Variants in ERC2 observed in about 807,000 individuals in gnomAD.
ERC2 encodes the protein ERC protein 2.
Under a neutral mutation model 114.8 loss-of-function variants are expected in ERC2, and 42 were observed. That is an observed-to-expected ratio of 0.37 (90% CI 0.29 to 0.47). The LOEUF (loss-of-function observed/expected upper bound fraction) is 0.47. Among genes scored for constraint, ERC2 ranks in the 20% least tolerant of loss-of-function variants. ERC2 has a pLI of 0.99. For missense variants in ERC2, 939 were observed against 1,150.7 expected (o/e 0.82, Z 2.66); for synonymous variants, 454 against 425.5 (o/e 1.07, Z -0.82).
At chr3:55,802,892 G>T (rs1575647857) in intron 14 of ERC2, among the ~76,000 whole-genome samples, 1 of 152,182 alleles carries the variant, frequency 6.6e-6, no homozygotes, top group African/African-American at 2.4e-5. Context: ...ATCACAGCCT[G>T]CAAGAGTCCA....
At chr3:55,519,631 T>A (rs907771828) in intron 17 of ERC2, among the ~76,000 whole-genome samples, 4 of 152,168 alleles carry the variant, frequency 2.6e-5, no homozygotes, top group Non-Finnish European at 4.4e-5. Flanking sequence ...CCAAACTTCC[T>A]TATATTGATC....
intron 14 of ERC2, among the ~76,000 whole-genome samples, chr3:55,745,320 C>T (rs1486125430): frequency 1.3e-5 from 2 of 152,156 alleles, no homozygotes; most frequent in Admixed American, 6.5e-5. Context: ...GTTTAAGAAA[C>T]TGAGAAATGG....
chr3:56,434,149 T>G, intron 2 of ERC2: 6 of 560,116 alleles, frequency 1.1e-5, no homozygotes, highest in Non-Finnish European at 1.6e-5. Context: ...TGTGAAAAGG[T>G]TATCGGAAAA....
chr3:55,781,130 T>C (rs1170698868), intron 14 of ERC2, among the ~76,000 whole-genome samples: 3 of 152,202 alleles, frequency 2.0e-5, no homozygotes, highest in Non-Finnish European at 4.4e-5. Flanking sequence ...AGGCTGTCTC[T>C]GCTGCACTGA....
At chr3:55,953,894 C>A (rs1160419173) in intron 12 of ERC2, among the ~76,000 whole-genome samples, 2 of 152,010 alleles carry the variant, frequency 1.3e-5, no homozygotes, top group African/African-American at 4.8e-5. Context: ...AGTACACCCA[C>A]ACTGAATGAA....
chr3:56,018,141 C>T (rs1182385401), intron 8 of ERC2, among the ~76,000 whole-genome samples: 1 of 152,154 alleles, frequency 6.6e-6, no homozygotes, highest in African/African-American at 2.4e-5. Context: ...AACATTACAT[C>T]TACTATTCTA....
chr3:55,645,473 C>A (rs1055775651), intron 17 of ERC2, among the ~76,000 whole-genome samples: 1 of 152,202 alleles, frequency 6.6e-6, no homozygotes, highest in African/African-American at 2.4e-5. Flanking sequence ...TAATTGATAA[C>A]AAGTTATCTT....
chr3:56,234,551 C>T (rs987796716), intron 3 of ERC2, among the ~76,000 whole-genome samples: 1 of 152,180 alleles, frequency 6.6e-6, no homozygotes, highest in African/African-American at 2.4e-5. Flanking sequence ...ATTTCTGGGA[C>T]ATTCAGATGG....
At chr3:56,206,115 GT>G (rs1560371570) in intron 3 of ERC2, among the ~76,000 whole-genome samples, 1 of 151,948 alleles carries the variant, frequency 6.6e-6, no homozygotes, top group Non-Finnish European at 1.5e-5. Context: ...ACTAACTTCT[GT>G]TTTACAAATG....
intron 3 of ERC2, among the ~76,000 whole-genome samples, chr3:56,194,869 C>T (rs2048001928): frequency 6.6e-6 from 1 of 151,622 alleles, no homozygotes; most frequent in Middle Eastern, 3.4e-3. Context: ...CTGCAGTCAA[C>T]GGTGTGGCAC....
rs1042749148 is a variant in ERC2, at chr3:56,036,741, T to C, written c.1642-17710A>G. Among the ~76,000 whole-genome samples, 7 of 152,080 alleles carry C rather than the reference T, an allele frequency of 4.6e-5. 1 individual carries two copies. Among genetic ancestry groups the C allele is most frequent in the Admixed American group, 2.6e-4 (4 of 15,270 alleles). On this transcript the variant is annotated intron_variant, in intron 7 of 17. Transcript: ENST00000288221. ...CTACCCTGCTCGGGAAACCACGCTT[T>C]TTCTATGAACCTGTACAACCTGCAA...
rs528915892 is a variant in ERC2, at chr3:56,364,761, C to A, written c.658-68326G>T. 4.6e-5 allele frequency among the ~76,000 whole-genome samples: 7 copies of A among 152,226 alleles called. No individual in the cohort carries two copies. The South Asian group carries it at 1.2e-3, about 27-fold the overall frequency. On this transcript the variant is annotated intron_variant, in intron 2 of 17. Coordinates refer to ENST00000288221, the MANE Select transcript of ERC2 (RefSeq NM_015576.3). ...AAGCAAGATAAAAATAAGATATAAG[C>A]CTTAATCTTCTCCCGTTGGGGCTCA...
intron 14 of ERC2, among the ~76,000 whole-genome samples, chr3:55,864,732 T>C (rs933887915): frequency 2.6e-5 from 4 of 152,134 alleles, no homozygotes; most frequent in Admixed American, 6.6e-5. Flanking sequence ...AACTCAGTCT[T>C]TGCCAAACTG....
intron 6 of ERC2, among the ~76,000 whole-genome samples, chr3:56,088,246 A>G (rs1478373708): frequency 1.3e-5 from 2 of 152,182 alleles, no homozygotes; most frequent in African/African-American, 4.8e-5. Flanking sequence ...TCAATCCTTA[A>G]AACGGGTTGG....
intron 2 of ERC2, among the ~76,000 whole-genome samples, chr3:56,325,964 GAC>G (rs1276477169): frequency 1.3e-5 from 2 of 152,208 alleles, no homozygotes; most frequent in Admixed American, 6.5e-5. Flanking sequence ...ATGCCCATCA[GAC>G]ACACTCTGGT....
At chr3:56,332,257 A>C (rs925045625) in intron 2 of ERC2, among the ~76,000 whole-genome samples, 1 of 152,196 alleles carries the variant, frequency 6.6e-6, no homozygotes, top group Non-Finnish European at 1.5e-5. Flanking sequence ...CAAAATGCTT[A>C]GGGAGGCATT....
chr3:55,774,382 C>G (rs1172797783), intron 14 of ERC2, among the ~76,000 whole-genome samples: 2 of 152,242 alleles, frequency 1.3e-5, no homozygotes, highest in Admixed American at 1.3e-4. Flanking sequence ...CTTCCCTGAG[C>G]TGTTGCCTGG....
At chr3:56,368,884 A>G (rs995143207) in intron 2 of ERC2, among the ~76,000 whole-genome samples, 2 of 152,202 alleles carry the variant, frequency 1.3e-5, no homozygotes, top group African/African-American at 2.4e-5. Flanking sequence ...ACTGTTAGCA[A>G]TAAATATAGC....
At chr3:55,795,878 G>C (rs2070433932) in intron 14 of ERC2, among the ~76,000 whole-genome samples, 1 of 152,204 alleles carries the variant, frequency 6.6e-6, no homozygotes, top group Admixed American at 6.5e-5. Flanking sequence ...ATTACCCAGA[G>C]TACCTACTAT....
Sources: gnomAD v4.1 joint callset for allele counts (sites outside exome capture counted in the v4.1 genomes callset) on GRCh38, gnomAD v4.1.1 for gene constraint, MANE v1.5 for transcripts, NCBI Gene and HGNC (gene_info 2026-07-23, HGNC 2026-07-21) for gene names.